OPLAH: variants seen among roughly 807,000 people sequenced by gnomAD.
OPLAH encodes the protein 5-oxoprolinase, ATP-hydrolysing.
A neutral mutation model predicts 122.8 loss-of-function variants in OPLAH; 103 were observed. The observed-to-expected ratio is 0.84, with a 90% confidence interval of 0.71 to 0.99. OPLAH has a LOEUF of 0.99. Ranked by LOEUF, OPLAH falls within the 50% of genes least tolerant of loss-of-function variation. OPLAH has a pLI of 0.00. For synonymous variants in OPLAH, 875 were observed against 796.0 expected, an observed-to-expected ratio of 1.10 and a Z score of -1.67; for missense variants, 1,902 against 1,836.5, an observed-to-expected ratio of 1.04 and a Z score of -0.65.
Position 144,057,892 on chromosome 8 carries a change from C to A in OPLAH, c.1120G>T (p.Ala374Ser). 6.2e-7 allele frequency: 1 copy of A among 1,612,104 alleles called. No homozygotes were observed. Among genetic ancestry groups the A allele is most frequent in the Non-Finnish European group, 8.5e-7 (1 of 1,179,598 alleles). The change falls in exon 9 of 27, where the codon GCA becomes TCA. Residue 374 changes from alanine (A) to serine (S), a missense_variant. Ala to Ser is a moderately conservative substitution (Grantham distance 99). Around this residue, in one of 3 missense-constraint regions of OPLAH, gnomAD observed 1,726 missense variants for 1,642.1 expected, o/e 1.05. Coordinates refer to ENST00000618853, the MANE Select transcript of OPLAH (RefSeq NM_017570.5). ...CAGGCGGGTCCTGGGTGGGCTCCTGCTGACTCGGGCCCAACCACAAAGAGG... is the reference window on the plus strand; with the variant it reads ...CAGGCGGGTCCTGGGTGGGCTCCTGATGACTCGGGCCCAACCACAAAGAGG... ...SGLFVVGPES[A>S]GAHPGPACYR... is the part of the protein sequence containing the mutation.
At chr8:144,052,146 C>T (rs371115706) in intron 24 of OPLAH, 23 bp downstream of exon 24, 132 of 1,555,182 alleles carry the variant, frequency 8.5e-5, no homozygotes, top group Non-Finnish European at 1.1e-4. Context: ...GCCGTGCCCC[C>T]AGCCTCCGCG....
chr8:144,054,112 G>A (rs971296074), intron 19 of OPLAH, among the ~76,000 whole-genome samples: 1 of 151,636 alleles, frequency 6.6e-6, no homozygotes, highest in Non-Finnish European at 1.5e-5. Context: ...CACAGTGGGA[G>A]CTCAGCGCAG....
In OPLAH at chr8:144,058,399, C is replaced by A; in HGVS notation, c.789G>T (p.Val263=). Residue 263 remains valine, a synonymous_variant, in exon 7 of 27, where the codon GTG becomes GTT. Coordinates refer to ENST00000618853, the MANE Select transcript of OPLAH (RefSeq NM_017570.5). ...CATCGGAGCGCATGAACAACACCTG[C>A]ACATCCTGCGAGCGGGCAGCAGGCG... ...CRGFQGQLKD[V]QVLFMRSDGG... is the part of the protein sequence containing the mutation. 1 of 1,589,986 alleles carries A rather than the reference C, an allele frequency of 6.3e-7. No homozygotes were observed. The highest frequency in any genetic ancestry group is 8.5e-7 in the Non-Finnish European group (1 of 1,172,408).
chr8:144,058,394 A>C lies in OPLAH; in HGVS notation c.794T>G (p.Val265Gly). 1 of 1,591,270 alleles carries C rather than the reference A, an allele frequency of 6.3e-7. No individual in the cohort carries two copies. The highest frequency in any genetic ancestry group is 8.5e-7 in the Non-Finnish European group (1 of 1,172,922). ...GFQGQLKDVQVLFMRSDGGLA... is the reference protein window; with the variant it reads ...GFQGQLKDVQGLFMRSDGGLA... ...GCCGCCATCGGAGCGCATGAACAACACCTGCACATCCTGCGAGCGGGCAGC... is the reference window on the plus strand; with the variant it reads ...GCCGCCATCGGAGCGCATGAACAACCCCTGCACATCCTGCGAGCGGGCAGC... Residue 265 changes from valine to glycine, a missense_variant, in exon 7 of 27, where the codon GTG (valine) becomes GGG (glycine). Physicochemically the swap from Val to Gly is moderately radical, Grantham distance 109. Transcript: ENST00000618853.
chr8:144,051,116 G>T, downstream of OPLAH: 1 of 1,382,746 alleles, frequency 7.2e-7, no homozygotes, highest in Non-Finnish European at 9.3e-7. Flanking sequence ...GCCCCCAGGA[G>T]GTGGAGCAGG....
rs1330914000 is a variant in OPLAH, at chr8:144,055,868, G to GC, written c.2167dup (p.Ala723GlyfsTer28). The GC allele has an allele frequency of 6.3e-7, 1 of 1,581,364 alleles. No homozygotes were observed. Among genetic ancestry groups the GC allele is most frequent in the Non-Finnish European group, 8.6e-7 (1 of 1,164,304 alleles). ...GGGGCCCACTGTGCCGGGGACTTCG[G>GC]CCCCCACGGAGATGCAGATGTCCCC... is the stretch of plus-strand genomic sequence containing the variant. On this transcript the variant is annotated frameshift_variant, in exon 16 of 27. Transcript: ENST00000618853. LOFTEE classifies it high-confidence loss of function. This position sits in a 1 kb window ranked among gnomAD's most constrained non-coding sequence, Gnocchi z 6.5.
At chr8:144,051,862 G>A (rs1252738303) in intron 25 of OPLAH, 36 bp from the exon 26 acceptor site, 2 of 1,500,922 alleles carry the variant, frequency 1.3e-6, no homozygotes, top group Non-Finnish European at 1.8e-6. Context: ...AGAGACCAGG[G>A]GCGGGGGTGG....
At position 144,056,695 on chromosome 8, in the gene OPLAH, C is replaced by T; in HGVS notation, c.1767G>A (p.Leu589=). 1 of 1,611,742 alleles carries T rather than the reference C, an allele frequency of 6.2e-7. No individual in the cohort carries two copies. The highest frequency in any genetic ancestry group is 8.5e-7 in the Non-Finnish European group (1 of 1,179,624). Residue 589 remains leucine (L), a synonymous_variant, in exon 13 of 27, where the codon CTG becomes CTA. Transcript: ENST00000618853. The part of the protein sequence containing the change: ...HLRYQGTDCA[L]MVSAHQHPAT... The stretch of plus-strand genomic sequence containing the variant: ...CTGGGTGCTGGTGGGCAGACACCAT[C>T]AGAGCACAGTCCGTGCCCTGGTAGC...
rs782103019 is a variant in OPLAH at position 144,058,364 on chromosome 8, G to A, written c.824C>T (p.Ala275Val). The change falls in exon 7 of 27, where the codon GCG (alanine) becomes GTG (valine). Residue 275 changes from alanine to valine, a missense_variant. Coordinates refer to ENST00000618853, the MANE Select transcript of OPLAH (RefSeq NM_017570.5). Reference protein sequence around the residue: ...VLFMRSDGGLAPMDTFSGSSA... With the variant: ...VLFMRSDGGLVPMDTFSGSSA... ...GGAGCCGCTGAAGGTGTCCATGGGC[G>A]CCAGGCCGCCATCGGAGCGCATGAA... 1.1e-5 allele frequency: 18 copies of A among 1,593,988 alleles called. No individual in the cohort carries two copies. The highest frequency in any genetic ancestry group is 5.6e-5 in the South Asian group (5 of 89,620).
At chr8:144,062,018 C>CA (rs1360761983), upstream of OPLAH, among the ~76,000 whole-genome samples, 2,146 of 59,982 alleles carry the variant, frequency 0.036, 24 homozygotes, top group South Asian at 0.095. Flanking sequence ...GACTCCGTCT[C>CA]AAAAAAAAAA....
rs782132574 is a variant in OPLAH, at chr8:144,058,608, G to A, written c.671C>T (p.Pro224Leu). ...THVSLSSEAM[P>L]MVRIVPRGHT... ...CCCCCGAGGGACGATGCGCACCATG[G>A]GCATGGCCTCCGAGGACAGTGACAC... The change falls in exon 6 of 27, where the codon CCC (proline) becomes CTC (leucine). Residue 224 changes from proline to leucine, a missense_variant. Coordinates refer to ENST00000618853, the MANE Select transcript of OPLAH (RefSeq NM_017570.5). 5.6e-6 allele frequency: 9 copies of A among 1,603,388 alleles called. No individual in the cohort carries two copies. The highest frequency in any genetic ancestry group is 2.2e-5 in the East Asian group (1 of 44,862).
intron 1 of OPLAH, among the ~76,000 whole-genome samples, chr8:144,060,310 G>A (rs552691919): frequency 1.3e-3 from 197 of 152,386 alleles, no homozygotes; most frequent in African/African-American, 4.6e-3. Flanking sequence ...TCCGGGCCCT[G>A]GACTGGGCCG....
rs782149889 is a variant in OPLAH, at chr8:144,053,100, C to T, written c.2901G>A (p.Met967Ile). Residue 967 changes from methionine to isoleucine, a missense_variant, in exon 21 of 27, where the codon ATG (methionine) becomes ATA (isoleucine). By Grantham distance (10) the Met-to-Ile change is conservative (BLOSUM62 1). Transcript: ENST00000618853. ...QANAELAVRDMLRAFGTSRQA... is the reference protein window; with the variant it reads ...QANAELAVRDILRAFGTSRQA... ...GCCGGGAGGTTCCAAAGGCACGCAA[C>T]ATGTCTCGCACGGCCAGCTCAGCGT... 1 of 1,606,472 alleles carries T rather than the reference C, an allele frequency of 6.2e-7. No individual in the cohort carries two copies. The highest frequency in any genetic ancestry group is 8.5e-7 in the Non-Finnish European group (1 of 1,177,072).
downstream of OPLAH, chr8:144,050,799 C>T (rs1171939861): frequency 1.9e-5 from 19 of 987,722 alleles, no homozygotes; most frequent in Non-Finnish European, 2.2e-5. Context: ...CCCCAGGGAC[C>T]GCGCTGAGCA....
At chr8:144,052,651 C>T (rs1472117636) in intron 22 of OPLAH, 53 bp from the exon 23 acceptor site, 19 of 1,544,516 alleles carry the variant, frequency 1.2e-5, no homozygotes, top group Middle Eastern at 4.1e-4. Flanking sequence ...CCGGGAGAAA[C>T]AGCACCCCAC....
At chr8:144,054,988 T>TGGGGGGGGGGGGGGGGGGGG in intron 17 of OPLAH, 41 bp downstream of exon 17, 1 of 348,866 alleles carries the variant, frequency 2.9e-6, no homozygotes, top group Non-Finnish European at 4.1e-6. Flanking sequence ...GGGTGGAGGG[T>TGGGGGGGGGGGGGGGGGGGG]GAGGGAGGGG....
chr8:144,050,826 G>C (rs781978132), downstream of OPLAH: 86 of 991,938 alleles, frequency 8.7e-5, 1 homozygote, highest in South Asian at 3.5e-4. Context: ...TGCTCCACCA[G>C]TCCATGGCCT....
rs782339396 is a variant in OPLAH at position 144,055,953 on chromosome 8, G to A, written c.2097-14C>T. On this transcript the variant is annotated splice_polypyrimidine_tract_variant and intron_variant, in intron 15 of 26. Coordinates refer to ENST00000618853, the MANE Select transcript of OPLAH (RefSeq NM_017570.5). This position sits in a 1 kb window ranked among gnomAD's most constrained non-coding sequence, Gnocchi z 6.5. ...ACCAGGATGGTGCTGGGGAGCAGAG[G>A]GCACAGAGGGCTGCATGGGGCCAGG... is the stretch of plus-strand genomic sequence containing the variant. 2.6e-6 allele frequency: 4 copies of A among 1,553,824 alleles called. No homozygotes were observed. Among genetic ancestry groups the A allele is most frequent in the African/African-American group, 2.7e-5 (2 of 73,694 alleles).
Position 144,060,003 on chromosome 8 carries a change from A to T in OPLAH, c.30T>A (p.Phe10Leu). Residue 10 changes from phenylalanine to leucine, a missense_variant, in exon 2 of 27, where the codon TTT (phenylalanine) becomes TTA (leucine). Phe to Leu is a conservative substitution (Grantham distance 22). Coordinates refer to ENST00000618853, the MANE Select transcript of OPLAH (RefSeq NM_017570.5). Reference protein sequence around the residue: MGSPEGRFHFAIDRGGTFTD... With the variant: MGSPEGRFHLAIDRGGTFTD... Reference sequence around the variant, plus strand: ...TGAAGGTACCCCCACGGTCGATGGCAAAGTGGAAGCGGCCCTCGGGGCTGC... The same window carrying T: ...TGAAGGTACCCCCACGGTCGATGGCTAAGTGGAAGCGGCCCTCGGGGCTGC... 6.2e-7 allele frequency: 1 copy of T among 1,612,642 alleles called. No individual in the cohort carries two copies. The highest frequency in any genetic ancestry group is 8.5e-7 in the Non-Finnish European group (1 of 1,179,782).
Sources: allele counts gnomAD v4.1 joint callset (sites outside exome capture counted in the v4.1 genomes callset), GRCh38; gene constraint gnomAD v4.1.1; regional missense constraint gnomAD v4.1.1; non-coding constraint Gnocchi (gnomAD v3.1); transcripts MANE v1.5; gene names NCBI Gene and HGNC (gene_info 2026-07-23, HGNC 2026-07-21).